The following CTNS variants were observed in gnomAD, a reference collection of about 807,000 sequenced individuals.
CTNS encodes the protein cystinosin, lysosomal cystine transporter.
Under a neutral mutation model 43.7 loss-of-function variants are expected in CTNS, and 27 were observed. The ratio of observed to expected loss-of-function variants is 0.62; its 90% CI spans 0.46 to 0.85. CTNS has a LOEUF of 0.85. Among genes scored for constraint, CTNS ranks in the 40% least tolerant of loss-of-function variants. The pLI is 0.00. For synonymous variants in CTNS, 187 were observed against 190.6 expected (o/e 0.98, Z 0.16); for missense variants, 457 against 475.4 (o/e 0.96, Z 0.36).
intron 5 of CTNS, 143 bp from the exon 6 acceptor site, chr17:3,654,855 T>C: frequency 1.3e-6 from 1 of 755,006 alleles, no homozygotes; most frequent in Admixed American, 1.9e-5. Flanking sequence ...GCAGCGTCTC[T>C]CCTTTTGCTT....
intron 10 of CTNS, among the ~76,000 whole-genome samples, chr17:3,659,367 A>T (rs1207555768): frequency 6.6e-6 from 1 of 152,196 alleles, no homozygotes; most frequent in Admixed American, 6.5e-5. Context: ...ACAGACGGGG[A>T]AACCAAGGCT....
At chr17:3,659,711 T>G (rs2076240889) in intron 10 of CTNS, 147 bp from the exon 11 acceptor site, 1 of 709,872 alleles carries the variant, frequency 1.4e-6, no homozygotes, top group African/African-American at 1.7e-5. Context: ...AGGCCTGTCA[T>G]AGCCCAAAGG....
intron 5 of CTNS, chr17:3,650,347 A>G (rs1412301866): frequency 1.9e-6 from 3 of 1,546,384 alleles, no homozygotes; most frequent in Non-Finnish European, 2.6e-6. Flanking sequence ...CTGGCTGCAG[A>G]GATGTGCACC....
chr17:3,637,698 C>T (rs978611188), intron 2 of CTNS, among the ~76,000 whole-genome samples: 2 of 151,958 alleles, frequency 1.3e-5, no homozygotes, highest in Non-Finnish European at 2.9e-5. Flanking sequence ...AACTCCTGAC[C>T]TCAGGTGATG....
chr17:3,656,092 AG>A, intron 7 of CTNS: 4 of 13,986 alleles, frequency 2.9e-4, no homozygotes, highest in South Asian at 1.5e-3. Context: ...CACCCCCGCC[AG>A]CCCTCACCCC....
At chr17:3,638,692 A>T (rs758183798) in intron 2 of CTNS, among the ~76,000 whole-genome samples, 1 of 152,198 alleles carries the variant, frequency 6.6e-6, no homozygotes, top group Admixed American at 6.5e-5. Flanking sequence ...CTGATTCTGC[A>T]TCTAATTTCT....
At chr17:3,660,144 T>C in intron 11 of CTNS, 92 bp from the exon 12 acceptor site, 3 of 1,579,242 alleles carry the variant, frequency 1.9e-6, no homozygotes, top group Non-Finnish European at 2.6e-6. Flanking sequence ...TTTGTGGTTT[T>C]CTGGGACCCC....
intron 2 of CTNS, among the ~76,000 whole-genome samples, chr17:3,638,457 C>T (rs1018101822): frequency 6.6e-6 from 1 of 152,182 alleles, no homozygotes; most frequent in Admixed American, 6.5e-5. Context: ...AGGCTGGTCT[C>T]GAACTCCTGA....
At chr17:3,655,523 G>C in intron 7 of CTNS, 171 bp downstream of exon 7, 1 of 951,366 alleles carries the variant, frequency 1.1e-6, no homozygotes, top group Non-Finnish European at 1.6e-6. Flanking sequence ...TCGGATTCCC[G>C]TGCTGGGCGT....
intron 5 of CTNS, among the ~76,000 whole-genome samples, chr17:3,654,029 T>G (rs960515449): frequency 6.6e-6 from 1 of 152,106 alleles, no homozygotes; most frequent in Non-Finnish European, 1.5e-5. Flanking sequence ...TGTATGTGCC[T>G]CCTCTGCTTT....
intron 5 of CTNS, among the ~76,000 whole-genome samples, chr17:3,653,658 T>C (rs867879337): frequency 1.3e-5 from 2 of 152,008 alleles, no homozygotes; most frequent in Admixed American, 1.3e-4. Flanking sequence ...GGTGGATCAC[T>C]TGAGGCTGGG....
intron 3 of CTNS, 25 bp downstream of exon 3, chr17:3,640,292 CTTTGT>C (rs2075653446): frequency 1.2e-6 from 2 of 1,606,196 alleles, no homozygotes; most frequent in African/African-American, 2.7e-5. Flanking sequence ...GACACGTCAA[CTTTGT>C]AAAGAGGGAA....
intron 3 of CTNS, among the ~76,000 whole-genome samples, chr17:3,642,461 G>A (rs1343588331): frequency 6.6e-6 from 1 of 152,160 alleles, no homozygotes; most frequent in Non-Finnish European, 1.5e-5. Context: ...GCCAAGGTGG[G>A]TGGATCTCTT....
At chr17:3,638,341 G>A (rs1203007789) in intron 2 of CTNS, among the ~76,000 whole-genome samples, 1 of 151,626 alleles carries the variant, frequency 6.6e-6, no homozygotes, top group Admixed American at 6.6e-5. Flanking sequence ...GGGTTCAAGC[G>A]ATTCTCCTGC....
rs531934006 is a variant in CTNS at position 3,640,744 on chromosome 17, AT to A, written c.61+482del. 4.5e-3 allele frequency among the ~76,000 whole-genome samples: 690 copies of A among 152,290 alleles called. 5 individuals are homozygous for A. The highest frequency in any genetic ancestry group is 0.015 in the African/African-American group (635 of 41,552). Reference sequence around the variant, plus strand: ...GAAACCCCATGTCTACTAAAAAATAATTTTTAAAAATTAGCCATATGCAGTG... The same window carrying A: ...GAAACCCCATGTCTACTAAAAAATAATTTTAAAAATTAGCCATATGCAGTG... On this transcript the variant is annotated intron_variant, in intron 3 of 11. Transcript: ENST00000046640.
At chr17:3,658,977 G>A (rs1015954952) in intron 10 of CTNS, among the ~76,000 whole-genome samples, 2 of 151,454 alleles carry the variant, frequency 1.3e-5, no homozygotes, top group African/African-American at 2.4e-5. Context: ...GCTGGGGGGG[G>A]CTTCCGAGGA....
At position 3,656,685 on chromosome 17, in the gene CTNS, C is replaced by T; in HGVS notation, c.571C>T (p.Leu191Phe). The T allele has an allele frequency of 6.2e-7, 1 of 1,613,176 alleles. No homozygotes were observed. The highest frequency in any genetic ancestry group is 8.5e-7 in the Non-Finnish European group (1 of 1,179,914). ...CCCACCCACCAAACAGGAGCAGTTT[C>T]TCCTCAAATACCCCAACGGAGTGAA... ...LWVPYIKEQF[L>F]LKYPNGVNPV... Residue 191 changes from leucine (L) to phenylalanine (F), a missense_variant, in exon 9 of 12, where the codon CTC becomes TTC. Coordinates refer to ENST00000046640, the MANE Select transcript of CTNS (RefSeq NM_004937.3).
rs528594358 is a variant in CTNS at position 3,647,574 on chromosome 17, G to A, written c.140+52G>A. 44 of 1,526,838 alleles carry A rather than the reference G, an allele frequency of 2.9e-5. No homozygotes were observed. In the Admixed American group the frequency reaches 5.5e-4, roughly 19 times the overall value. The allele number at this position is 1,526,838 out of a possible 1,614,324, so 94.6% of individuals were successfully genotyped here. ...TCAGCTCCGCTCAGGCCCCGCAGCT[G>A]GGTCAGGGCTGACCCCTGGCTCAGT... On this transcript the variant is annotated intron_variant, in intron 4 of 11. Coordinates refer to ENST00000046640, the MANE Select transcript of CTNS (RefSeq NM_004937.3).
At chr17:3,640,640 A>G (rs2075662436) in intron 3 of CTNS, among the ~76,000 whole-genome samples, 1 of 152,266 alleles carries the variant, frequency 6.6e-6, no homozygotes, top group Non-Finnish European at 1.5e-5. Context: ...GCTCACGCCT[A>G]TAATTCCAGA....
Sources: gnomAD v4.1 joint callset for allele counts (sites outside exome capture counted in the v4.1 genomes callset) on GRCh38, gnomAD v4.1.1 for gene constraint, MANE v1.5 for transcripts, NCBI Gene and HGNC (gene_info 2026-07-23, HGNC 2026-07-21) for gene names.